Variants in NELL1 observed in about 807,000 individuals in gnomAD.
NELL1 encodes the protein neural EGFL like 1, also known as protein kinase C-binding protein NELL1.
Under a neutral mutation model 107.4 loss-of-function variants are expected in NELL1, and 76 were observed. The observed-to-expected ratio is 0.71, with a 90% CI of 0.59 to 0.86. The LOEUF (loss-of-function observed/expected upper bound fraction) is 0.86. NELL1 is among the 40% of genes least tolerant of loss of function. NELL1 has a pLI of 0.00. For missense variants in NELL1, 1,024 were observed against 1,005.5 expected (o/e 1.02, Z -0.25); for synonymous variants, 353 against 341.2 (o/e 1.03, Z -0.38).
chr11:21,157,545 G>A (rs931290402), intron 13 of NELL1, among the ~76,000 whole-genome samples: 1 of 152,136 alleles, frequency 6.6e-6, no homozygotes, highest in Non-Finnish European at 1.5e-5. Context: ...TTCTTGCTGA[G>A]CCATGAGAAA....
chr11:21,559,137 ATTTCTTAAT>A (rs1171306467), intron 16 of NELL1, among the ~76,000 whole-genome samples: 1 of 152,166 alleles, frequency 6.6e-6, no homozygotes, highest in African/African-American at 2.4e-5. Flanking sequence ...TATTATTAGA[ATTTCTTAAT>A]GTCATCTGCT....
At chr11:20,891,177 T>C (rs796263538) in intron 5 of NELL1, among the ~76,000 whole-genome samples, 63 of 152,342 alleles carry the variant, frequency 4.1e-4, no homozygotes, top group African/African-American at 1.4e-3. Flanking sequence ...GCAGAAACTC[T>C]GTAAGCCAGA....
At chr11:20,669,576 C>T, upstream of NELL1, 2 of 522,276 alleles carry the variant, frequency 3.8e-6, no homozygotes, top group East Asian at 4.1e-5. The surrounding 1 kb of genome is among the most constrained non-coding windows in gnomAD (Gnocchi z 4.4). Context: ...GGCGCATATG[C>T]GAGCGCAGCA....
chr11:20,814,481 ATTG>A lies in NELL1; in HGVS notation c.335+30654_335+30656del, dbSNP rs1857579715. Among the ~76,000 whole-genome samples the A allele has an allele frequency of 2.6e-5, 4 of 152,252 alleles. No individual in the cohort carries two copies. In the South Asian group the frequency reaches 8.3e-4, roughly 32 times the overall value. On this transcript the variant is annotated intron_variant, in intron 3 of 19. Transcript: ENST00000357134. Reference sequence around the variant, plus strand: ...CCGCTCTAAATAGTCCCCACTATCTATTGTTCTCATCTTTGTGTCCATATGTAC... The same window carrying A: ...CCGCTCTAAATAGTCCCCACTATCTATTCTCATCTTTGTGTCCATATGTAC...
At chr11:21,511,460 A>C (rs773480809) in intron 15 of NELL1, among the ~76,000 whole-genome samples, 3 of 152,158 alleles carry the variant, frequency 2.0e-5, no homozygotes, top group Non-Finnish European at 4.4e-5. Context: ...TGGATGAGAA[A>C]GATAAGGTCC....
At chr11:20,685,040 G>A (rs991666528) in intron 2 of NELL1, among the ~76,000 whole-genome samples, 2 of 151,990 alleles carry the variant, frequency 1.3e-5, no homozygotes, top group East Asian at 1.9e-4. Context: ...CTGTGTTTCC[G>A]TCTTTGTGCT....
At chr11:21,194,181 C>G (rs1857102878) in intron 13 of NELL1, among the ~76,000 whole-genome samples, 1 of 151,740 alleles carries the variant, frequency 6.6e-6, no homozygotes, top group African/African-American at 2.4e-5. Context: ...GACTCTGTCT[C>G]TGCCTTCTGG....
intron 14 of NELL1, among the ~76,000 whole-genome samples, chr11:21,336,850 A>T (rs1427821120): frequency 3.3e-5 from 5 of 151,928 alleles, no homozygotes; most frequent in African/African-American, 1.2e-4. Flanking sequence ...AAATTCTAGA[A>T]ATCACAGGAA....
chr11:21,273,318 A>G (rs1848779642), intron 14 of NELL1, among the ~76,000 whole-genome samples: 1 of 152,228 alleles, frequency 6.6e-6, no homozygotes. Flanking sequence ...GGAAGATGAG[A>G]TAAATGAAAT....
chr11:20,704,340 T>G (rs112359762), intron 2 of NELL1, among the ~76,000 whole-genome samples: 5,736 of 152,250 alleles, frequency 0.038, 363 homozygotes, highest in African/African-American at 0.13. Context: ...TGCTTTTTTT[T>G]GTTTTCCATT....
chr11:21,170,429 G>C (rs947507358), intron 13 of NELL1, among the ~76,000 whole-genome samples: 1 of 151,696 alleles, frequency 6.6e-6, no homozygotes, highest in Non-Finnish European at 1.5e-5. Context: ...ATCCAACCAG[G>C]AGTAAAGGCT....
At chr11:21,525,922 A>G (rs536811265) in intron 15 of NELL1, among the ~76,000 whole-genome samples, 3 of 152,156 alleles carry the variant, frequency 2.0e-5, no homozygotes, top group African/African-American at 7.2e-5. Context: ...TGCCCCTATC[A>G]TTCTGCCCTG....
rs768586082 is a variant in NELL1 at position 21,357,695 on chromosome 11, C to T, written c.1550-13158C>T. Among the ~76,000 whole-genome samples, 18 of 152,166 alleles carry T rather than the reference C, an allele frequency of 1.2e-4. 1 individual carries two copies. The Middle Eastern group carries it at 0.01, about 86-fold the overall frequency. The stretch of plus-strand genomic sequence containing the variant: ...TTTGTTATTGTTGCATTTGCTTTTG[C>T]GCTCTTGGTAATTAACTCTTTGCCT... On this transcript the variant is annotated intron_variant, in intron 14 of 19. Transcript: ENST00000357134.
chr11:21,175,503 A>C (rs1361079265), intron 13 of NELL1, among the ~76,000 whole-genome samples: 1 of 151,870 alleles, frequency 6.6e-6, no homozygotes, highest in Non-Finnish European at 1.5e-5. Context: ...ATCAGGTAGA[A>C]AATATCCTTA....
chr11:21,538,989 G>A (rs1212472344), intron 16 of NELL1, among the ~76,000 whole-genome samples: 1 of 152,042 alleles, frequency 6.6e-6, no homozygotes, highest in Non-Finnish European at 1.5e-5. Flanking sequence ...TTGCTTGTGT[G>A]CTTTTCCCTG....
intron 5 of NELL1, among the ~76,000 whole-genome samples, chr11:20,896,089 A>G (rs1218928001): frequency 1.3e-5 from 2 of 152,196 alleles, no homozygotes; most frequent in African/African-American, 2.4e-5. Context: ...TCATCACCCG[A>G]GTGGTGTACA....
At chr11:20,696,576 C>T (rs1013462465) in intron 2 of NELL1, among the ~76,000 whole-genome samples, 17 of 151,990 alleles carry the variant, frequency 1.1e-4, no homozygotes, top group African/African-American at 3.9e-4. Flanking sequence ...GAGGGAAAGC[C>T]TTTGGTAATG....
intron 15 of NELL1, among the ~76,000 whole-genome samples, chr11:21,381,393 C>T (rs1407334338): frequency 1.3e-5 from 2 of 151,948 alleles, no homozygotes. Flanking sequence ...ATCAGATTTA[C>T]TTAACGTTTC....
chr11:21,229,808 A>G (rs1857995811), intron 14 of NELL1, among the ~76,000 whole-genome samples: 1 of 152,152 alleles, frequency 6.6e-6, no homozygotes, highest in African/African-American at 2.4e-5. Flanking sequence ...GTTTCTGTCC[A>G]CACTTGAGGT....
Sources: gnomAD v4.1 joint callset for allele counts (sites outside exome capture counted in the v4.1 genomes callset) on GRCh38, gnomAD v4.1.1 for gene constraint, Gnocchi (gnomAD v3.1) non-coding constraint, MANE v1.5 for transcripts, NCBI Gene and HGNC (gene_info 2026-07-23, HGNC 2026-07-21) for gene names.